The following ZNF676 variants were observed in gnomAD, a reference collection of about 807,000 sequenced individuals.
The protein encoded by ZNF676 is zinc finger protein 676.
ZNF676 carries 4 observed loss-of-function variants against 6.0 expected under a neutral mutation model. The ratio of observed to expected loss-of-function variants is 0.67; its 90% CI spans 0.33 to 1.53. The LOEUF is 1.53. Among genes scored for constraint, ZNF676 ranks in the 40% most tolerant of loss-of-function variants. The pLI is 0.06. For missense variants in ZNF676, 644 were observed against 679.7 expected, an observed-to-expected ratio of 0.95 and a Z score of 0.58; for synonymous variants, 198 against 223.1, an observed-to-expected ratio of 0.89 and a Z score of 1.00.
chr19:22,241,421 C>T, the ZNF676 span, among the ~76,000 whole-genome samples: 1 of 152,012 alleles, frequency 6.6e-6, no homozygotes, highest in East Asian at 1.9e-4. Context: ...GAATCTTGGT[C>T]TGAGAGTAAC....
At chr19:22,191,837 C>CA (rs1328944839) in intron 2 of ZNF676, among the ~76,000 whole-genome samples, 1 of 151,954 alleles carries the variant, frequency 6.6e-6, no homozygotes, top group African/African-American at 2.4e-5. Flanking sequence ...CTGGGGGCCC[C>CA]AAAAAAGAAG....
the ZNF676 span, among the ~76,000 whole-genome samples, chr19:22,223,888 T>C: frequency 6.6e-6 from 1 of 151,974 alleles, no homozygotes; most frequent in Non-Finnish European, 1.5e-5. Context: ...TAAAGTTAAA[T>C]TACAGCAGTT....
At chr19:22,235,134 A>AGGAT in the ZNF676 span, among the ~76,000 whole-genome samples, 1 of 150,174 alleles carries the variant, frequency 6.7e-6, no homozygotes, top group Admixed American at 6.7e-5. Flanking sequence ...GAAGGAAGGA[A>AGGAT]GGAAGGAAGG....
the ZNF676 span, among the ~76,000 whole-genome samples, chr19:22,245,504 GC>G: frequency 0.048 from 6,768 of 140,546 alleles, 499 homozygotes; most frequent in African/African-American, 0.18. Context: ...ATGTCACAAT[GC>G]CCCCCCCCCC....
the ZNF676 span, among the ~76,000 whole-genome samples, chr19:22,254,499 G>T: frequency 0.013 from 1,926 of 152,154 alleles, 17 homozygotes; most frequent in Non-Finnish European, 0.014. Flanking sequence ...AGATATGCTG[G>T]GCCCAGGGAA....
At chr19:22,200,255 A>G (rs551880450), upstream of ZNF676, among the ~76,000 whole-genome samples, 635 of 152,210 alleles carry the variant, frequency 4.2e-3, 4 homozygotes, top group African/African-American at 0.014. Flanking sequence ...AAGGTTTTCT[A>G]TAATAATTTT....
chr19:22,240,334 T>G, the ZNF676 span, among the ~76,000 whole-genome samples: 8,938 of 151,810 alleles, frequency 0.059, 1,017 homozygotes, highest in African/African-American at 0.2. Flanking sequence ...GTGATATGTC[T>G]CAATGTCTTC....
the ZNF676 span, among the ~76,000 whole-genome samples, chr19:22,256,342 G>A: frequency 6.6e-6 from 1 of 152,130 alleles, no homozygotes; most frequent in African/African-American, 2.4e-5. Context: ...GGACCAGGCA[G>A]GAGAGGACTA....
At chr19:22,250,954 C>T in the ZNF676 span, among the ~76,000 whole-genome samples, 16 of 152,084 alleles carry the variant, frequency 1.1e-4, no homozygotes, top group Non-Finnish European at 1.8e-4. Context: ...TCAGGTGATC[C>T]ACTCACCTTG....
Position 22,181,243 on chromosome 19 carries a change from T to A in ZNF676, c.474A>T (p.Gln158His). The change falls in exon 3 of 3, where the codon CAA becomes CAT. Residue 158 changes from glutamine (Q) to histidine (H), a missense_variant. This residue lies in a region of ZNF676 where 280 missense variants were observed against 269.3 expected (regional missense o/e 1.04). Transcript: ENST00000397121. ...RSFCMLSHLS[Q>H]HERIYTRENS... is the part of the protein sequence containing the mutation. Reference sequence around the variant, plus strand: ...TCTCTCTAGTATAAATTCTTTCATGTTGAGATAGGTGTGAAAGCATGCAAA... The same window carrying A: ...TCTCTCTAGTATAAATTCTTTCATGATGAGATAGGTGTGAAAGCATGCAAA... 1 of 1,613,894 alleles carries A rather than the reference T, an allele frequency of 6.2e-7. No individual in the cohort carries two copies.
intron 1 of ZNF676, among the ~76,000 whole-genome samples, chr19:22,215,477 C>T (rs1304876261): frequency 1.1e-4 from 17 of 152,202 alleles, no homozygotes; most frequent in Admixed American, 1.0e-3. Flanking sequence ...GCCCGCGCAG[C>T]CGCCATCTTA....
At chr19:22,258,467 G>C in the ZNF676 span, among the ~76,000 whole-genome samples, 11 of 152,112 alleles carry the variant, frequency 7.2e-5, no homozygotes, top group Admixed American at 5.9e-4. Context: ...AGAAAAAAGA[G>C]AGGAATCACA....
At chr19:22,183,917 T>G (rs936074184) in intron 2 of ZNF676, among the ~76,000 whole-genome samples, 1 of 151,364 alleles carries the variant, frequency 6.6e-6, no homozygotes, top group Non-Finnish European at 1.5e-5. Flanking sequence ...AAAATCTGAA[T>G]GTGTGTATGT....
chr19:22,234,839 C>A, the ZNF676 span, among the ~76,000 whole-genome samples: 2 of 151,920 alleles, frequency 1.3e-5, no homozygotes, highest in Non-Finnish European at 2.9e-5. Context: ...GAGGCTGAGG[C>A]AGGAGATTGC....
At chr19:22,227,604 A>C in the ZNF676 span, among the ~76,000 whole-genome samples, 1 of 152,214 alleles carries the variant, frequency 6.6e-6, no homozygotes, top group Non-Finnish European at 1.5e-5. Context: ...CAAAATAGAT[A>C]GACTGCTAGC....
intron 1 of ZNF676, among the ~76,000 whole-genome samples, chr19:22,202,716 A>T (rs1342708949): frequency 6.6e-6 from 1 of 152,224 alleles, no homozygotes; most frequent in African/African-American, 2.4e-5. Context: ...TACAAGTAGA[A>T]TTTACAGCAC....
chr19:22,258,345 G>T, the ZNF676 span, among the ~76,000 whole-genome samples: 1,089 of 152,110 alleles, frequency 7.2e-3, 1 homozygote, highest in African/African-American at 0.024. Flanking sequence ...CTTCGTGCTG[G>T]GTTCAGCAGT....
At chr19:22,198,559 TTC>T (rs1208807889), upstream of ZNF676, among the ~76,000 whole-genome samples, 1 of 152,116 alleles carries the variant, frequency 6.6e-6, no homozygotes, top group African/African-American at 2.4e-5. Flanking sequence ...TTCCCTAGGA[TTC>T]TTTCTCAGAT....
chr19:22,241,771 A>G, the ZNF676 span, among the ~76,000 whole-genome samples: 1 of 151,920 alleles, frequency 6.6e-6, no homozygotes, highest in Non-Finnish European at 1.5e-5. Flanking sequence ...CGGAGAGGAG[A>G]TTCCTCAATT....
Sources: allele counts gnomAD v4.1 joint callset (sites outside exome capture counted in the v4.1 genomes callset), GRCh38; gene constraint gnomAD v4.1.1; regional missense constraint gnomAD v4.1.1; transcripts MANE v1.5; gene names NCBI Gene and HGNC (gene_info 2026-07-23, HGNC 2026-07-21).